SLC25A47: variants seen among roughly 807,000 people sequenced by gnomAD.
SLC25A47 encodes HCC-down-regulated mitochondrial carrier protein.
In SLC25A47, 30 loss-of-function variants were observed where a neutral mutation model predicts 29.8. That is an observed-to-expected ratio of 1.01 (90% confidence interval 0.75 to 1.36). The LOEUF (loss-of-function observed/expected upper bound fraction) is 1.36, where lower values mean the gene tolerates loss of function less well. SLC25A47 is among the 40% of genes most tolerant of loss of function. The pLI, the probability that SLC25A47 is intolerant of heterozygous loss-of-function variation, is 0.00. For synonymous variants in SLC25A47, 204 were observed against 197.8 expected (o/e 1.03, Z -0.26); for missense variants, 430 against 441.9 (o/e 0.97, Z 0.24).
rs8010354 is a variant in SLC25A47 at position 100,328,578 on chromosome 14, C to T, written c.328-148C>T. 8.1e-3 allele frequency: 6,261 copies of T among 768,448 alleles called. 296 individuals carry two copies. The African/African-American group carries it at 0.099, about 12-fold the overall frequency. The allele number at this position is 768,448 out of a possible 1,614,324, so 47.6% of individuals were successfully genotyped here. Reference sequence around the variant, plus strand: ...GGTGGGCGGAGCTGGCTTTGGGCCCCGTGGCCCCCCAGCCCTGGGCCAGCC... The same window carrying T: ...GGTGGGCGGAGCTGGCTTTGGGCCCTGTGGCCCCCCAGCCCTGGGCCAGCC... On this transcript the variant is annotated intron_variant, in intron 4 of 5. Coordinates refer to ENST00000361529, the MANE Select transcript of SLC25A47 (RefSeq NM_207117.4).
chr14:100,324,046 G>A (rs576509662), intron 1 of SLC25A47, among the ~76,000 whole-genome samples: 13 of 152,110 alleles, frequency 8.5e-5, no homozygotes, highest in Non-Finnish European at 1.3e-4. Flanking sequence ...CCTGGGACAC[G>A]GGCTCAGCTC....
chr14:100,323,451 C>T lies in SLC25A47; in HGVS notation c.28+9C>T, dbSNP rs1365809784. The T allele has an allele frequency of 1.2e-6, 2 of 1,613,664 alleles. No homozygotes were observed. Among genetic ancestry groups the T allele is most frequent in the Non-Finnish European group, 1.7e-6 (2 of 1,179,870 alleles). ...CGCTGGAGCCATCGGAGGTAACAGA[C>T]AGGATGGTGGGCTGTGCAGACACTG... On this transcript the variant is annotated intron_variant, in intron 1 of 5. Transcript: ENST00000361529.
At chr14:100,323,677 TGGG>T in intron 1 of SLC25A47, among the ~76,000 whole-genome samples, 1 of 151,752 alleles carries the variant, frequency 6.6e-6, no homozygotes, top group African/African-American at 2.4e-5. Context: ...GAGGGCAGGC[TGGG>T]GATGGGGCTG....
intron 1 of SLC25A47, 57 bp from the exon 2 acceptor site, chr14:100,325,731 G>A (rs1472838779): frequency 6.4e-6 from 10 of 1,572,890 alleles, no homozygotes; most frequent in African/African-American, 4.1e-5. Flanking sequence ...CCTGCAATGG[G>A]GTTGAACTGC....
intron 1 of SLC25A47, among the ~76,000 whole-genome samples, chr14:100,325,467 G>C (rs771618120): frequency 2.6e-5 from 4 of 152,214 alleles, no homozygotes; most frequent in Non-Finnish European, 5.9e-5. Flanking sequence ...TTCTCTCAGA[G>C]CATGACGCCC....
chr14:100,329,941 AGCCT>A lies in SLC25A47; in HGVS notation c.*297_*300del, dbSNP rs2139849844. ...TTGCATGGAGTCGGTTGTTCATCCC[AGCCT>A]CCCCATGGCCCTCGCCTCCCATGTC... On this transcript the variant is annotated 3_prime_UTR_variant, in exon 6 of 6. Transcript: ENST00000361529. 2.2e-6 allele frequency: 1 copy of A among 458,740 alleles called. No homozygotes were observed. Among genetic ancestry groups the A allele is most frequent in the African/African-American group, 2.0e-5 (1 of 51,134 alleles). 28.4% of individuals were successfully genotyped at this position (458,740 alleles called of 1,614,324 possible).
intron 5 of SLC25A47, 35 bp downstream of exon 5, chr14:100,329,079 C>T (rs780022606): frequency 2.5e-6 from 4 of 1,588,096 alleles, no homozygotes; most frequent in Admixed American, 1.8e-5. Context: ...GGGCGGGGAG[C>T]CCAGAAGGAT....
rs1893282491 is a variant in SLC25A47, at chr14:100,323,404, A to G, written c.-11A>G. 6.2e-7 allele frequency: 1 copy of G among 1,613,654 alleles called. No homozygotes were observed. Among genetic ancestry groups the G allele is most frequent in the African/African-American group, 1.3e-5 (1 of 74,944 alleles). Reference sequence around the variant, plus strand: ...CAGGCAGACCCAGGGCCTCCCCGCCACACCTTGTTCATGGATTTTGTCGCT... The same window carrying G: ...CAGGCAGACCCAGGGCCTCCCCGCCGCACCTTGTTCATGGATTTTGTCGCT... On this transcript the variant is annotated 5_prime_UTR_variant, in exon 1 of 6. Transcript: ENST00000361529.
In SLC25A47 at chr14:100,328,778, C is replaced by T. The variant is rs766496280; in HGVS notation, c.380C>T (p.Thr127Ile). 1.1e-5 allele frequency: 18 copies of T among 1,612,902 alleles called. No individual in the cohort carries two copies. The South Asian group carries it at 1.9e-4, about 17-fold the overall frequency. ...EVAKVRLQTQ[T>I]QAQKQQRRLS... is the part of the protein sequence containing the mutation. The stretch of plus-strand genomic sequence containing the variant: ...GCCAAAGTCCGCTTGCAGACGCAGA[C>T]ACAGGCGCAGAAGCAGCAGCGGCGG... The change falls in exon 5 of 6, where the codon ACA (threonine) becomes ATA (isoleucine). Residue 127 changes from threonine to isoleucine, a missense_variant. By Grantham distance (89) the Thr-to-Ile change is moderately conservative. Transcript: ENST00000361529.
In SLC25A47 at chr14:100,326,078, A is replaced by G. The variant is rs1363480517; in HGVS notation, c.73-79A>G. The G allele has an allele frequency of 7.1e-6, 9 of 1,267,832 alleles. No homozygotes were observed. The East Asian group carries it at 2.2e-4, about 31-fold the overall frequency. The allele number at this position is 1,267,832 out of a possible 1,614,324, so 78.5% of individuals were successfully genotyped here. A position where few individuals can be genotyped will look rare whatever the true frequency, so the allele number is the denominator to read the frequency against. The stretch of plus-strand genomic sequence containing the variant: ...CATGGCTGGGACAATCAAGAGTGTG[A>G]CTCTGCCCCTTCCCCAGGGCCTGCT... On this transcript the variant is annotated intron_variant, in intron 2 of 5. Coordinates refer to ENST00000361529, the MANE Select transcript of SLC25A47 (RefSeq NM_207117.4).
Position 100,329,056 on chromosome 14 carries a change from C to A in SLC25A47, c.646+12C>A. 1 of 1,596,402 alleles carries A rather than the reference C, an allele frequency of 6.3e-7. No individual in the cohort carries two copies. Among genetic ancestry groups the A allele is most frequent in the Non-Finnish European group, 8.5e-7 (1 of 1,178,942 alleles). On this transcript the variant is annotated intron_variant, in intron 5 of 5. Coordinates refer to ENST00000361529, the MANE Select transcript of SLC25A47 (RefSeq NM_207117.4). ...CCACAGCCGGCCAGGTGAGCAGGGG[C>A]TGGAACCTGGCAGGGCGGGGAGCCC...
chr14:100,329,868 G>C lies in SLC25A47; in HGVS notation c.*223G>C, dbSNP rs555064981. 1 of 621,754 alleles carries C rather than the reference G, an allele frequency of 1.6e-6. No homozygotes were observed. The highest frequency in any genetic ancestry group is 2.8e-5 in the East Asian group (1 of 35,424). 38.5% of individuals were successfully genotyped at this position (621,754 alleles called of 1,614,324 possible). ...CAGCCATCAGCCAGGGTTGGCCTAG[G>C]GTGGCAGGAGCCAGGGAGGAGTGGG... On this transcript the variant is annotated 3_prime_UTR_variant, in exon 6 of 6. Transcript: ENST00000361529.
chr14:100,326,960 A>AT (rs1893349980), intron 3 of SLC25A47, among the ~76,000 whole-genome samples: 1 of 152,042 alleles, frequency 6.6e-6, no homozygotes, highest in Non-Finnish European at 1.5e-5. Context: ...GGCAAAAAAA[A>AT]AAAGTTCATC....
At chr14:100,328,591 C>A in intron 4 of SLC25A47, 135 bp from the exon 5 acceptor site, 1 of 899,808 alleles carries the variant, frequency 1.1e-6, no homozygotes, top group Non-Finnish European at 1.7e-6. Flanking sequence ...GGCCCCCCAG[C>A]CCTGGGCCAG....
intron 3 of SLC25A47, 44 bp from the exon 4 acceptor site, chr14:100,327,144 T>C: frequency 1.3e-6 from 2 of 1,542,382 alleles, no homozygotes; most frequent in Non-Finnish European, 1.7e-6. Context: ...GGGTGGCTCC[T>C]CCTCCTGGCG....
chr14:100,323,489 G>T, intron 1 of SLC25A47, 47 bp downstream of exon 1: 2 of 1,609,930 alleles, frequency 1.2e-6, no homozygotes, highest in Non-Finnish European at 1.7e-6. Flanking sequence ...GCTCCTGGGG[G>T]TAGCAGGAGG....
At chr14:100,327,429 TA>T in intron 4 of SLC25A47, 59 bp downstream of exon 4, 3 of 1,512,508 alleles carry the variant, frequency 2.0e-6, no homozygotes, top group Middle Eastern at 1.9e-4. Context: ...TCTGAGAGGT[TA>T]TCCATCCTGG....
intron 4 of SLC25A47, 84 bp from the exon 5 acceptor site, chr14:100,328,642 A>T (rs1317686673): frequency 1.4e-6 from 2 of 1,414,626 alleles, no homozygotes; most frequent in African/African-American, 2.8e-5. Context: ...GGTCACCGTG[A>T]GCAACATGAG....
chr14:100,327,020 TC>T (rs2139845938), intron 3 of SLC25A47, among the ~76,000 whole-genome samples, 167 bp from the exon 4 acceptor site: 1 of 151,670 alleles, frequency 6.6e-6, no homozygotes, highest in South Asian at 2.1e-4. Context: ...GCTCTTCAGG[TC>T]CCCCCTTGTG....
Sources: allele counts gnomAD v4.1 joint callset (sites outside exome capture counted in the v4.1 genomes callset), GRCh38; gene constraint gnomAD v4.1.1; transcripts MANE v1.5; gene names NCBI Gene and HGNC (gene_info 2026-07-23, HGNC 2026-07-21).